SRGAP3: variants seen among roughly 807,000 people sequenced by gnomAD.
SRGAP3 encodes the protein SLIT-ROBO Rho GTPase activating protein 3, also known as SLIT-ROBO Rho GTPase-activating protein 3.
Under a neutral mutation model 121.1 loss-of-function variants are expected in SRGAP3, and 39 were observed. The observed-to-expected ratio is 0.32, with a 90% CI of 0.25 to 0.42. The LOEUF (loss-of-function observed/expected upper bound fraction) is 0.42. Among genes scored for constraint, SRGAP3 ranks in the 10% least tolerant of loss-of-function variants. The pLI, the probability that SRGAP3 is intolerant of heterozygous loss-of-function variation, is 1.00. For synonymous variants in SRGAP3, 601 were observed against 570.0 expected, an observed-to-expected ratio of 1.05 and a Z score of -0.77; for missense variants, 1,213 against 1,470.6, an observed-to-expected ratio of 0.82 and a Z score of 2.86.
intron 1 of SRGAP3, among the ~76,000 whole-genome samples, chr3:9,163,075 G>A (rs1950651412): frequency 6.6e-6 from 1 of 152,216 alleles, no homozygotes; most frequent in Non-Finnish European, 1.5e-5. Context: ...TATGTGGGCT[G>A]ATACAGGTAG....
At chr3:9,099,630 G>T (rs1487850953) in intron 3 of SRGAP3, among the ~76,000 whole-genome samples, 1 of 152,218 alleles carries the variant, frequency 6.6e-6, no homozygotes, top group Non-Finnish European at 1.5e-5. Flanking sequence ...TTCCTCATCT[G>T]TGAAATGAGG....
intron 6 of SRGAP3, chr3:9,059,702 G>A (rs7621152): frequency 0.022 from 4,448 of 204,790 alleles, 72 homozygotes; most frequent in South Asian, 0.031. Flanking sequence ...TCAGTGTTCC[G>A]TTCTCCATTT....
In SRGAP3 at chr3:9,281,756, T is replaced by A. The variant is rs567154110; in HGVS notation, n.442+44254A>T. ...GGCATGATCTGGGCTCACTGCAACC[T>A]CCACCATCCGGGTTCAAGCGATTCT... On this transcript the variant is annotated intron_variant and non_coding_transcript_variant, in intron 3 of 3. Transcript: ENST00000490889. Among the ~76,000 whole-genome samples the A allele has an allele frequency of 5.9e-5, 9 of 152,256 alleles. No individual in the cohort carries two copies. The South Asian group carries it at 1.9e-3, about 32-fold the overall frequency.
intron 2 of SRGAP3, among the ~76,000 whole-genome samples, chr3:9,108,338 G>A (rs747698402): frequency 6.6e-6 from 1 of 152,144 alleles, no homozygotes; most frequent in African/African-American, 2.4e-5. Context: ...CCTGCTTTAG[G>A]CCGGGTGCAG....
chr3:9,012,553 G>A (rs1214818828), intron 17 of SRGAP3, among the ~76,000 whole-genome samples: 3 of 152,182 alleles, frequency 2.0e-5, no homozygotes, highest in Non-Finnish European at 4.4e-5. Context: ...CAGGCACACA[G>A]AGGTCCCAAA....
At chr3:8,987,314 G>A (rs1408411287) in intron 21 of SRGAP3, among the ~76,000 whole-genome samples, 4 of 152,218 alleles carry the variant, frequency 2.6e-5, no homozygotes, top group Admixed American at 1.3e-4. Flanking sequence ...CTTGGCCATC[G>A]AGGGCACCAT....
chr3:9,175,070 T>C lies in SRGAP3; in HGVS notation c.68-50153A>G, dbSNP rs1951128698. Among the ~76,000 whole-genome samples the C allele has an allele frequency of 2.6e-5, 4 of 152,276 alleles. No homozygotes were observed. The South Asian group carries it at 8.3e-4, about 32-fold the overall frequency. ...CTACATCCGAAACTCCCCGGGATGC[T>C]TAGGAACACAGGCCCTGTCAGCCAA... On this transcript the variant is annotated intron_variant, in intron 1 of 21. Transcript: ENST00000383836.
chr3:8,994,530 G>T lies in SRGAP3; in HGVS notation c.2228-7C>A. On this transcript the variant is annotated splice_region_variant and splice_polypyrimidine_tract_variant and intron_variant, in intron 18 of 21. Coordinates refer to ENST00000383836, the MANE Select transcript of SRGAP3 (RefSeq NM_014850.4). ...GCCTCGATCTGCTCCACTTCTGGAAGGAAATCAAGGGAAAAAGCGTCTCTG... is the reference window on the plus strand; with the variant it reads ...GCCTCGATCTGCTCCACTTCTGGAATGAAATCAAGGGAAAAAGCGTCTCTG... The T allele has an allele frequency of 6.2e-7, 1 of 1,612,558 alleles. No homozygotes were observed. Among genetic ancestry groups the T allele is most frequent in the Non-Finnish European group, 8.5e-7 (1 of 1,179,904 alleles).
At chr3:9,131,433 C>CTTTTTTTTTTTTTTTTTT in intron 1 of SRGAP3, among the ~76,000 whole-genome samples, 1 of 90,216 alleles carries the variant, frequency 1.1e-5, no homozygotes, top group Non-Finnish European at 2.0e-5. Flanking sequence ...AGATCTAATT[C>CTTTTTTTTTTTTTTTTTT]TTTTTTTTTT....
At chr3:9,224,180 C>A (rs1952909705) in intron 1 of SRGAP3, among the ~76,000 whole-genome samples, 2 of 152,184 alleles carry the variant, frequency 1.3e-5, no homozygotes, top group African/African-American at 4.8e-5. Context: ...GCTACCCAAG[C>A]CAAGTTAATA....
chr3:9,060,257 TGTA>T lies in SRGAP3; in HGVS notation c.772_774del (p.Tyr258del). ...TCGATCAGATCAGAGACATCATGGA[TGTA>T]GTATTTGCTTATAGCTGCGTTGGTG... On this transcript the variant is annotated inframe_deletion, in exon 6 of 22. Coordinates refer to ENST00000383836, the MANE Select transcript of SRGAP3 (RefSeq NM_014850.4). 1 of 1,614,040 alleles carries T rather than the reference TGTA, an allele frequency of 6.2e-7. No individual in the cohort carries two copies. The highest frequency in any genetic ancestry group is 8.5e-7 in the Non-Finnish European group (1 of 1,179,986).
At chr3:9,208,600 C>G (rs1952342830) in intron 1 of SRGAP3, among the ~76,000 whole-genome samples, 1 of 152,198 alleles carries the variant, frequency 6.6e-6, no homozygotes, top group African/African-American at 2.4e-5. Context: ...AAGTCAGTGG[C>G]CTTCTCACCA....
intron 1 of SRGAP3, among the ~76,000 whole-genome samples, chr3:9,361,562 C>T (rs755495290): frequency 1.3e-5 from 2 of 152,186 alleles, no homozygotes; most frequent in Non-Finnish European, 2.9e-5. Flanking sequence ...CAGGCCCTCT[C>T]TTGGCCAAGG....
chr3:9,136,806 C>T (rs576301147), intron 1 of SRGAP3, among the ~76,000 whole-genome samples: 1 of 152,194 alleles, frequency 6.6e-6, no homozygotes, highest in African/African-American at 2.4e-5. Context: ...TCCCTGATCC[C>T]CACGGTTCCT....
At chr3:9,261,876 T>TAA (rs34047232) in intron 3 of SRGAP3, among the ~76,000 whole-genome samples, 22,419 of 120,610 alleles carry the variant, frequency 0.19, 2,618 homozygotes, top group Non-Finnish European at 0.25. Flanking sequence ...CTCATATATT[T>TAA]AAAAAAAAAA....
intron 1 of SRGAP3, chr3:9,216,650 C>G (rs1484247849): frequency 6.6e-6 from 1 of 152,584 alleles, no homozygotes; most frequent in East Asian, 1.9e-4. Flanking sequence ...AGGACAGGCT[C>G]CGATGTAATG....
intron 1 of SRGAP3, among the ~76,000 whole-genome samples, chr3:9,127,637 C>T (rs189089076): frequency 5.9e-5 from 9 of 152,136 alleles, no homozygotes; most frequent in East Asian, 1.9e-4. Context: ...TTAGTAGAGA[C>T]GAGGTTTCAT....
intron 14 of SRGAP3, among the ~76,000 whole-genome samples, chr3:9,017,897 G>A (rs909406608): frequency 3.3e-5 from 5 of 152,090 alleles, no homozygotes; most frequent in Non-Finnish European, 5.9e-5. Context: ...TGAAATATAC[G>A]AAATAGTGTT....
intron 3 of SRGAP3, among the ~76,000 whole-genome samples, chr3:9,087,117 T>A (rs1260537990): frequency 2.6e-5 from 4 of 152,072 alleles, no homozygotes; most frequent in Non-Finnish European, 5.9e-5. Flanking sequence ...TATTTATATG[T>A]GTGTGTGTAT....
Sources: gnomAD v4.1 joint callset for allele counts (sites outside exome capture counted in the v4.1 genomes callset) on GRCh38, gnomAD v4.1.1 for gene constraint, MANE v1.5 for transcripts, NCBI Gene and HGNC (gene_info 2026-07-23, HGNC 2026-07-21) for gene names.